SLC14A2: variants seen among roughly 807,000 people sequenced by gnomAD.
SLC14A2 encodes urea transporter 2.
A neutral mutation model predicts 104.6 loss-of-function variants in SLC14A2; 91 were observed. The ratio of observed to expected loss-of-function variants is 0.87; its 90% CI spans 0.73 to 1.04. The LOEUF (loss-of-function observed/expected upper bound fraction) is 1.04, where lower values mean the gene tolerates loss of function less well. SLC14A2 is among the 50% of genes least tolerant of loss of function. SLC14A2 has a pLI of 0.00. For missense variants in SLC14A2, 1,189 were observed against 1,156.0 expected (o/e 1.03, Z -0.41); for synonymous variants, 476 against 466.4 (o/e 1.02, Z -0.27).
chr18:45,182,642 T>C, the SLC14A2 span, among the ~76,000 whole-genome samples: 2 of 151,770 alleles, frequency 1.3e-5, no homozygotes, highest in Non-Finnish European at 1.5e-5. Context: ...ACAGAAACTA[T>C]TATAAAAAAC....
chr18:45,262,317 T>G (rs1398752749), intron 1 of SLC14A2, among the ~76,000 whole-genome samples: 3 of 152,150 alleles, frequency 2.0e-5, no homozygotes, highest in African/African-American at 4.8e-5. Flanking sequence ...TGGAATAGGA[T>G]GGGAACCAGC....
chr18:45,307,496 A>G (rs2085035878), intron 1 of SLC14A2, among the ~76,000 whole-genome samples: 1 of 152,026 alleles, frequency 6.6e-6, no homozygotes, highest in Non-Finnish European at 1.5e-5. Context: ...GGGGAAGCAC[A>G]AAGAATTCAG....
intron 2 of SLC14A2, among the ~76,000 whole-genome samples, chr18:45,610,423 T>TG (rs2044953360): frequency 1.3e-5 from 2 of 152,294 alleles, no homozygotes; most frequent in East Asian, 3.9e-4. Context: ...TTACACCAAT[T>TG]AAGTCAGAAT....
intron 1 of SLC14A2, among the ~76,000 whole-genome samples, chr18:45,622,064 A>G (rs1014639522): frequency 2.0e-5 from 3 of 152,208 alleles, no homozygotes; most frequent in Admixed American, 6.5e-5. Context: ...CACCCTGTCA[A>G]AGAGGTAGTT....
intron 1 of SLC14A2, among the ~76,000 whole-genome samples, chr18:45,623,025 T>C (rs1253039084): frequency 6.6e-6 from 1 of 151,948 alleles, no homozygotes; most frequent in Non-Finnish European, 1.5e-5. Flanking sequence ...CATACAAGCA[T>C]GAGGGAGGGA....
intron 2 of SLC14A2, among the ~76,000 whole-genome samples, chr18:45,586,475 G>A (rs2044568427): frequency 6.6e-6 from 1 of 152,214 alleles, no homozygotes; most frequent in South Asian, 2.1e-4. Context: ...AGGGTCCAGA[G>A]CAGGGAAGTG....
intron 2 of SLC14A2, among the ~76,000 whole-genome samples, chr18:45,567,987 A>G (rs551681903): frequency 3.0e-4 from 45 of 152,244 alleles, no homozygotes; most frequent in African/African-American, 1.1e-3. Flanking sequence ...GGTTCTTTCC[A>G]GTGCTCTTAT....
At chr18:45,301,581 C>A (rs1429631402) in intron 1 of SLC14A2, among the ~76,000 whole-genome samples, 1 of 152,136 alleles carries the variant, frequency 6.6e-6, no homozygotes, top group Non-Finnish European at 1.5e-5. Flanking sequence ...CACAGACACC[C>A]ACATTTGTGC....
At chr18:45,356,994 G>T (rs963285388) in intron 1 of SLC14A2, among the ~76,000 whole-genome samples, 3 of 152,174 alleles carry the variant, frequency 2.0e-5, no homozygotes, top group African/African-American at 4.8e-5. Context: ...GATGCAGCAG[G>T]CTTCACTGGC....
In SLC14A2 at chr18:45,641,369, C is replaced by T. The variant is rs780670195; in HGVS notation, c.1126+26C>T. 3 of 1,613,654 alleles carry T rather than the reference C, an allele frequency of 1.9e-6. No individual in the cohort carries two copies. The South Asian group carries it at 3.3e-5, about 18-fold the overall frequency. On this transcript the variant is annotated intron_variant, in intron 8 of 19. Transcript: ENST00000255226. The stretch of plus-strand genomic sequence containing the variant: ...GTAGGTGTTCAGAAAAGCTGACAAC[C>T]AGGTTATTCTGGCTATTCCTTCCCC...
At chr18:45,610,331 A>C (rs541054715) in intron 2 of SLC14A2, among the ~76,000 whole-genome samples, 2 of 152,350 alleles carry the variant, frequency 1.3e-5, no homozygotes, top group Admixed American at 1.3e-4. Context: ...GAGCATAGAC[A>C]GAAAGATCTA....
intron 1 of SLC14A2, among the ~76,000 whole-genome samples, chr18:45,480,507 C>T (rs989197379): frequency 3.3e-5 from 5 of 152,214 alleles, no homozygotes; most frequent in Non-Finnish European, 7.3e-5. Flanking sequence ...CCAAGGGATA[C>T]ATGCCTATAG....
At position 45,369,236 on chromosome 18, in the gene SLC14A2, G is replaced by A. The variant is rs182566655; in HGVS notation, c.-124-113997G>A. On this transcript the variant is annotated intron_variant, in intron 1 of 20. Transcript: ENST00000586448. ...GAAAGATGAGGGCAGTTTAGTCTCC[G>A]ATGAAGGAAATTCCACATCCATCTT... Among the ~76,000 whole-genome samples, 56 of 152,274 alleles carry A rather than the reference G, an allele frequency of 3.7e-4. No homozygotes were observed. In the East Asian group the frequency reaches 7.3e-3, roughly 20 times the overall value.
At position 45,682,696 on chromosome 18, in the gene SLC14A2, C is replaced by T. The variant is rs1448704605; in HGVS notation, c.*177C>T. 2 of 614,590 alleles carry T rather than the reference C, an allele frequency of 3.3e-6. No individual in the cohort carries two copies. Among genetic ancestry groups the T allele is most frequent in the Non-Finnish European group, 5.9e-6 (2 of 341,574 alleles). The allele number at this position is 614,590 out of a possible 1,614,324, so 38.1% of individuals were successfully genotyped here. A position where few individuals can be genotyped will look rare whatever the true frequency, so the allele number is the denominator to read the frequency against. ...CCTCTCTTTTCTAAGATGCACAACA[C>T]TTATCAAAGATATGTTTAGTTTAGA... On this transcript the variant is annotated 3_prime_UTR_variant, in exon 20 of 20. Transcript: ENST00000255226.
intron 1 of SLC14A2, among the ~76,000 whole-genome samples, chr18:45,231,123 A>G (rs1296877236): frequency 6.6e-6 from 1 of 152,262 alleles, no homozygotes; most frequent in Non-Finnish European, 1.5e-5. Flanking sequence ...AGAGAAGTTA[A>G]GTAACTTGTC....
At chr18:45,617,734 C>T (rs552951484) in intron 1 of SLC14A2, among the ~76,000 whole-genome samples, 1 of 152,266 alleles carries the variant, frequency 6.6e-6, no homozygotes, top group East Asian at 1.9e-4. Context: ...GACCAAACAT[C>T]CACCTAGCCC....
chr18:45,309,044 A>G (rs776874748), intron 1 of SLC14A2, among the ~76,000 whole-genome samples: 17 of 152,296 alleles, frequency 1.1e-4, no homozygotes, highest in East Asian at 7.7e-4. Context: ...TCTGACAGGT[A>G]GAGTTCACCC....
the SLC14A2 span, among the ~76,000 whole-genome samples, chr18:45,201,243 CCTGAGCATG>C: frequency 6.6e-6 from 1 of 152,074 alleles, no homozygotes; most frequent in Non-Finnish European, 1.5e-5. Context: ...TCCCCTTTCC[CCTGAGCATG>C]CTGTATGCAC....
At chr18:45,196,167 C>T in the SLC14A2 span, among the ~76,000 whole-genome samples, 5 of 152,208 alleles carry the variant, frequency 3.3e-5, 1 homozygote, top group African/African-American at 1.2e-4. Flanking sequence ...AGTTTGTTTA[C>T]ACTTCCACTT....
Sources: gnomAD v4.1 joint callset for allele counts (sites outside exome capture counted in the v4.1 genomes callset) on GRCh38, gnomAD v4.1.1 for gene constraint, MANE v1.5 for transcripts, NCBI Gene and HGNC (gene_info 2026-07-23, HGNC 2026-07-21) for gene names.